Variants in TNFAIP8 observed in about 807,000 individuals in gnomAD.
TNFAIP8 encodes the protein tumor necrosis factor alpha-induced protein 8.
Under a neutral mutation model 13.3 loss-of-function variants are expected in TNFAIP8, and 7 were observed. The observed-to-expected ratio is 0.52, with a 90% CI of 0.30 to 0.99. The LOEUF (loss-of-function observed/expected upper bound fraction) is 0.99. Among genes scored for constraint, TNFAIP8 ranks in the 50% least tolerant of loss-of-function variants. TNFAIP8 has a pLI of 0.07. For synonymous variants in TNFAIP8, 94 were observed against 87.6 expected (o/e 1.07, Z -0.41); for missense variants, 258 against 236.9 (o/e 1.09, Z -0.58).
intron 1 of TNFAIP8, among the ~76,000 whole-genome samples, chr5:119,292,557 G>C (rs1749019115): frequency 6.8e-6 from 1 of 147,706 alleles, no homozygotes; most frequent in Non-Finnish European, 1.5e-5. Context: ...ATACTTATAA[G>C]CAAGTGTTAA....
chr5:119,372,407 G>A (rs1395361308), intron 1 of TNFAIP8, among the ~76,000 whole-genome samples: 1 of 151,476 alleles, frequency 6.6e-6, no homozygotes, highest in Admixed American at 6.6e-5. Context: ...TAGAAATGAT[G>A]TTTTAGAGTT....
chr5:119,269,549 C>A (rs143133830), intron 1 of TNFAIP8, among the ~76,000 whole-genome samples: 2 of 152,278 alleles, frequency 1.3e-5, no homozygotes, highest in Admixed American at 1.3e-4. Context: ...GGACTCCTCG[C>A]GACTGATAGG....
chr5:119,370,204 A>C (rs1752020351), intron 1 of TNFAIP8, among the ~76,000 whole-genome samples: 1 of 152,184 alleles, frequency 6.6e-6, no homozygotes, highest in African/African-American at 2.4e-5. Context: ...GGTTCTAGCC[A>C]CTGGAACACA....
intron 1 of TNFAIP8, among the ~76,000 whole-genome samples, chr5:119,280,613 C>T (rs1470824079): frequency 6.6e-6 from 1 of 152,128 alleles, no homozygotes; most frequent in Non-Finnish European, 1.5e-5. Flanking sequence ...CTGGGAGACA[C>T]ATGGGGTCTG....
At chr5:119,272,749 T>C (rs1315282063) in intron 1 of TNFAIP8, among the ~76,000 whole-genome samples, 1 of 152,192 alleles carries the variant, frequency 6.6e-6, no homozygotes, top group African/African-American at 2.4e-5. Flanking sequence ...AGAACTAAGG[T>C]AGCTGAGGTT....
At chr5:119,343,992 C>T (rs566339517) in intron 1 of TNFAIP8, among the ~76,000 whole-genome samples, 72 of 152,296 alleles carry the variant, frequency 4.7e-4, no homozygotes, top group Admixed American at 6.5e-4. Context: ...TGTGGGCGCA[C>T]ATTCATGATT....
chr5:119,362,235 C>T (rs1432764186), intron 1 of TNFAIP8, among the ~76,000 whole-genome samples: 1 of 152,110 alleles, frequency 6.6e-6, no homozygotes, highest in Non-Finnish European at 1.5e-5. Context: ...GAGTGAGTGA[C>T]AGGGAACCTA....
chr5:119,277,714 G>A (rs1261214839), intron 1 of TNFAIP8, among the ~76,000 whole-genome samples: 1 of 152,210 alleles, frequency 6.6e-6, no homozygotes, highest in Non-Finnish European at 1.5e-5. Flanking sequence ...ATCTGAGACT[G>A]GGTAATTTGT....
At chr5:119,291,661 G>A (rs1748989459) in intron 1 of TNFAIP8, among the ~76,000 whole-genome samples, 1 of 152,198 alleles carries the variant, frequency 6.6e-6, no homozygotes, top group Non-Finnish European at 1.5e-5. Context: ...ATGTTTATGG[G>A]ATAAAATTCC....
intron 1 of TNFAIP8, among the ~76,000 whole-genome samples, chr5:119,347,688 C>T (rs1251228447): frequency 1.3e-5 from 2 of 152,194 alleles, no homozygotes; most frequent in Non-Finnish European, 2.9e-5. Flanking sequence ...ATGCCTTTCA[C>T]TGCTACCTGC....
intron 1 of TNFAIP8, among the ~76,000 whole-genome samples, chr5:119,308,854 C>CAAAAAAAAAAAAA (rs61628819): frequency 1.7e-5 from 1 of 58,122 alleles, no homozygotes; most frequent in Non-Finnish European, 4.8e-5. Context: ...GACTCCATCT[C>CAAAAAAAAAAAAA]AAAAAAAAAA....
intron 1 of TNFAIP8, 55 bp from the exon 2 acceptor site, chr5:119,392,761 C>T (rs1752940004): frequency 1.4e-6 from 2 of 1,468,784 alleles, no homozygotes; most frequent in Non-Finnish European, 9.0e-7. Context: ...TAGTTCGCTT[C>T]ACTTGCTGAT....
intron 1 of TNFAIP8, among the ~76,000 whole-genome samples, chr5:119,324,608 A>G (rs988747655): frequency 6.6e-6 from 1 of 152,024 alleles, no homozygotes; most frequent in African/African-American, 2.4e-5. Flanking sequence ...CTATTTATTT[A>G]TATGATTTCA....
chr5:119,390,944 T>C (rs926376731), intron 1 of TNFAIP8, among the ~76,000 whole-genome samples: 1 of 151,780 alleles, frequency 6.6e-6, no homozygotes, highest in African/African-American at 2.4e-5. Flanking sequence ...TCCAACTCCC[T>C]AGTAACTGGG....
chr5:119,381,492 A>G (rs1468994396), intron 1 of TNFAIP8, among the ~76,000 whole-genome samples: 1 of 152,112 alleles, frequency 6.6e-6, no homozygotes. Context: ...GTGAGCCATG[A>G]TTGCACCACT....
At chr5:119,307,177 G>A (rs930123523) in intron 1 of TNFAIP8, among the ~76,000 whole-genome samples, 17 of 151,944 alleles carry the variant, frequency 1.1e-4, no homozygotes, top group South Asian at 8.3e-4. Flanking sequence ...TTTTTCTTTC[G>A]TAGTATTCCA....
chr5:119,320,442 C>T (rs905468782), intron 1 of TNFAIP8, among the ~76,000 whole-genome samples: 1 of 152,158 alleles, frequency 6.6e-6, no homozygotes, highest in African/African-American at 2.4e-5. Context: ...CCTTCCAGCT[C>T]TATGGCACTT....
At chr5:119,318,082 A>C (rs1561998339) in intron 1 of TNFAIP8, among the ~76,000 whole-genome samples, 1 of 152,218 alleles carries the variant, frequency 6.6e-6, no homozygotes, top group East Asian at 1.9e-4. Flanking sequence ...TAATTATATT[A>C]ATTAATTATA....
At chr5:119,286,934 G>A (rs1275085869) in intron 1 of TNFAIP8, among the ~76,000 whole-genome samples, 2 of 152,124 alleles carry the variant, frequency 1.3e-5, no homozygotes, top group Non-Finnish European at 2.9e-5. Context: ...CAGATGTGAT[G>A]CCTACTCCTC....
Sources: allele counts gnomAD v4.1 joint callset (sites outside exome capture counted in the v4.1 genomes callset), GRCh38; gene constraint gnomAD v4.1.1; transcripts MANE v1.5; gene names NCBI Gene and HGNC (gene_info 2026-07-23, HGNC 2026-07-21).